The following STPG2 variants were observed in gnomAD, a reference collection of about 807,000 sequenced individuals.
The protein encoded by STPG2 is sperm-tail PG-rich repeat-containing protein 2.
Under a neutral mutation model 54.2 loss-of-function variants are expected in STPG2, and 56 were observed. The observed-to-expected ratio is 1.03, with a 90% CI of 0.83 to 1.29. The LOEUF (loss-of-function observed/expected upper bound fraction) is 1.29, where lower values mean the gene tolerates loss of function less well. Ranked by LOEUF, STPG2 falls within the 50% of genes most tolerant of loss-of-function variation. The pLI is 0.00. For missense variants in STPG2, 596 were observed against 544.9 expected, an observed-to-expected ratio of 1.09 and a Z score of -0.93; for synonymous variants, 200 against 181.8, an observed-to-expected ratio of 1.10 and a Z score of -0.81.
chr4:97,842,270 A>G (rs1348162262), intron 8 of STPG2, among the ~76,000 whole-genome samples: 1 of 151,842 alleles, frequency 6.6e-6, no homozygotes, highest in Non-Finnish European at 1.5e-5. Flanking sequence ...AAGTCATCAA[A>G]GAAATGCTGG....
intron 2 of STPG2, among the ~76,000 whole-genome samples, chr4:98,132,098 T>C (rs939198731): frequency 6.6e-6 from 1 of 152,028 alleles, no homozygotes; most frequent in Non-Finnish European, 1.5e-5. Context: ...TATTTATATT[T>C]TTTCCTTCCT....
chr4:97,654,980 A>C (rs2148956528), intron 10 of STPG2, among the ~76,000 whole-genome samples: 1 of 152,224 alleles, frequency 6.6e-6, no homozygotes, highest in Non-Finnish European at 1.5e-5. Flanking sequence ...TTTGGCTAAA[A>C]AATACATTTT....
chr4:97,923,038 G>A (rs549493475), intron 8 of STPG2, among the ~76,000 whole-genome samples: 2 of 152,088 alleles, frequency 1.3e-5, no homozygotes, highest in African/African-American at 4.8e-5. Flanking sequence ...TTCCACACTG[G>A]TTTCCCATGT....
At chr4:97,660,121 G>A (rs1578460732) in intron 10 of STPG2, among the ~76,000 whole-genome samples, 3 of 151,782 alleles carry the variant, frequency 2.0e-5, no homozygotes, top group Middle Eastern at 6.8e-3. Context: ...TCCTGCCTCA[G>A]CCTCCTGAGT....
At chr4:97,474,931 T>C (rs1002066557) in intron 4 of STPG2, among the ~76,000 whole-genome samples, 1 of 152,048 alleles carries the variant, frequency 6.6e-6, no homozygotes, top group Admixed American at 6.5e-5. Flanking sequence ...ATATAATTCT[T>C]TAACATGCTA....
chr4:97,989,856 T>C (rs971498293), intron 5 of STPG2, among the ~76,000 whole-genome samples: 1 of 152,264 alleles, frequency 6.6e-6, no homozygotes, highest in Admixed American at 6.5e-5. Flanking sequence ...TTCATCACAC[T>C]ACACAGAATG....
intron 3 of STPG2, among the ~76,000 whole-genome samples, chr4:98,127,466 A>G (rs1739863115): frequency 6.6e-6 from 1 of 152,194 alleles, no homozygotes; most frequent in African/African-American, 2.4e-5. Context: ...CCAACAAATA[A>G]CTATAGAATA....
At chr4:97,525,306 A>G (rs1014932633) in intron 4 of STPG2, among the ~76,000 whole-genome samples, 1 of 151,974 alleles carries the variant, frequency 6.6e-6, no homozygotes, top group African/African-American at 2.4e-5. Context: ...TGGGGCAGCT[A>G]TAACCTCAAT....
At chr4:98,059,051 C>A (rs561967980) in intron 5 of STPG2, among the ~76,000 whole-genome samples, 2 of 149,978 alleles carry the variant, frequency 1.3e-5, no homozygotes, top group Non-Finnish European at 3.0e-5. Context: ...TTAATAAAAC[C>A]AGGGCTTGTT....
chr4:97,491,717 G>GGA (rs1730507784), intron 4 of STPG2, among the ~76,000 whole-genome samples: 1 of 151,508 alleles, frequency 6.6e-6, no homozygotes, highest in African/African-American at 2.4e-5. Context: ...CAAGTGTAAG[G>GGA]AAGAAAGTCA....
intron 10 of STPG2, among the ~76,000 whole-genome samples, chr4:97,657,808 T>C (rs1188515903): frequency 1.3e-5 from 2 of 152,194 alleles, no homozygotes; most frequent in Admixed American, 1.3e-4. Context: ...CACTTGTAAA[T>C]AGAATGTTAT....
At chr4:97,999,787 G>T (rs1735356693) in intron 5 of STPG2, among the ~76,000 whole-genome samples, 1 of 152,146 alleles carries the variant, frequency 6.6e-6, no homozygotes, top group South Asian at 2.1e-4. Flanking sequence ...AAACCAAGGG[G>T]CAGGTGTCAT....
chr4:97,761,324 CAGAG>C (rs1238785947), intron 9 of STPG2, among the ~76,000 whole-genome samples: 6 of 151,938 alleles, frequency 3.9e-5, no homozygotes, highest in Non-Finnish European at 5.9e-5. Context: ...AAAGAAGACA[CAGAG>C]AAAGGAAGAC....
chr4:97,485,697 T>TA (rs941356568), intron 4 of STPG2, among the ~76,000 whole-genome samples: 5 of 151,186 alleles, frequency 3.3e-5, no homozygotes, highest in African/African-American at 4.8e-5. Context: ...CACAGAATTA[T>TA]AAAAAAAATT....
chr4:97,675,700 C>T (rs1318479134), intron 10 of STPG2, among the ~76,000 whole-genome samples: 1 of 151,190 alleles, frequency 6.6e-6, no homozygotes, highest in Non-Finnish European at 1.5e-5. Context: ...TGTGCGCGCG[C>T]GTGCTTTATA....
intron 5 of STPG2, among the ~76,000 whole-genome samples, chr4:98,000,223 AAAC>A (rs1247621654): frequency 6.6e-6 from 1 of 152,136 alleles, no homozygotes; most frequent in Non-Finnish European, 1.5e-5. Context: ...TAATTCCTAA[AAAC>A]AAGATAATAT....
chr4:97,736,751 C>G (rs1725013251), intron 9 of STPG2, among the ~76,000 whole-genome samples: 1 of 152,346 alleles, frequency 6.6e-6, no homozygotes, highest in South Asian at 2.1e-4. Context: ...GGAGGCCTGC[C>G]TGCCTCTGTA....
intron 7 of STPG2, among the ~76,000 whole-genome samples, chr4:97,961,748 T>A (rs140891061): frequency 0.016 from 2,397 of 152,206 alleles, 26 homozygotes; most frequent in Non-Finnish European, 0.023. Context: ...AACACTTTTA[T>A]ACTGATGGTC....
intron 5 of STPG2, among the ~76,000 whole-genome samples, chr4:98,062,609 C>A (rs1208094422): frequency 6.6e-6 from 1 of 151,992 alleles, no homozygotes; most frequent in Non-Finnish European, 1.5e-5. Context: ...GAGATATCCA[C>A]AACTTTTTCA....
Sources: allele counts gnomAD v4.1 joint callset (sites outside exome capture counted in the v4.1 genomes callset), GRCh38; gene constraint gnomAD v4.1.1; transcripts MANE v1.5; gene names NCBI Gene and HGNC (gene_info 2026-07-23, HGNC 2026-07-21).